ZNF10: variants seen among roughly 807,000 people sequenced by gnomAD.
ZNF10 encodes zinc finger protein 10 (KOX 1).
A neutral mutation model predicts 12.2 loss-of-function variants in ZNF10; 8 were observed. That is an observed-to-expected ratio of 0.66 (90% CI 0.39 to 1.18). ZNF10 has a LOEUF of 1.18. ZNF10 is among the 50% of genes most tolerant of loss of function. The probability of loss-of-function intolerance (pLI) is 0.01; values close to 1 mark genes in which losing one functional copy is unlikely to be tolerated. For missense variants in ZNF10, 603 were observed against 678.9 expected, an observed-to-expected ratio of 0.89 and a Z score of 1.24; for synonymous variants, 229 against 228.2, an observed-to-expected ratio of 1.00 and a Z score of -0.03.
chr12:133,149,464 C>T (rs147703131), intron 2 of ZNF10, among the ~76,000 whole-genome samples: 7,907 of 144,170 alleles, frequency 0.055, 696 homozygotes, highest in African/African-American at 0.19. Context: ...TTCAAGTGAT[C>T]CTCTCACCTT....
chr12:133,135,668 C>T (rs979404277), intron 1 of ZNF10, among the ~76,000 whole-genome samples: 1 of 152,200 alleles, frequency 6.6e-6, no homozygotes, highest in African/African-American at 2.4e-5. Flanking sequence ...TCTCACGACT[C>T]TTCTTGGAGG....
In ZNF10 at chr12:133,151,672, T is replaced by A. The variant is rs1052153100; in HGVS notation, c.161-137T>A. The A allele has an allele frequency of 2.0e-5, 10 of 511,688 alleles. No individual in the cohort carries two copies. The East Asian group carries it at 3.3e-4, about 17-fold the overall frequency. The allele number at this position is 511,688 out of a possible 1,614,324, so 31.7% of individuals were successfully genotyped here. A position where few individuals can be genotyped will look rare whatever the true frequency, so the allele number is the denominator to read the frequency against. On this transcript the variant is annotated intron_variant, in intron 3 of 4. Transcript: ENST00000248211. ...TAAATAAATAAAATAAAATAAGTTT[T>A]CCTGCCTCTGTCAACTTTAGAGTCC...
intron 1 of ZNF10, among the ~76,000 whole-genome samples, chr12:133,141,715 C>T (rs1955945180): frequency 1.3e-5 from 2 of 151,960 alleles, no homozygotes; most frequent in Non-Finnish European, 1.5e-5. Flanking sequence ...ATCAGGTAGC[C>T]TACCGTATGA....
intron 2 of ZNF10, among the ~76,000 whole-genome samples, chr12:133,146,910 C>G (rs773200760): frequency 5.3e-4 from 80 of 152,050 alleles, no homozygotes; most frequent in Non-Finnish European, 8.8e-4. Flanking sequence ...TGTGTGCTGC[C>G]CCTGTGTATA....
At chr12:133,147,556 G>GA (rs1955983082) in intron 2 of ZNF10, among the ~76,000 whole-genome samples, 1 of 149,580 alleles carries the variant, frequency 6.7e-6, no homozygotes, top group Admixed American at 6.7e-5. Flanking sequence ...CTTCTTTGGT[G>GA]AAATGTTTAT....
At chr12:133,154,056 T>G (rs1022066810) in intron 4 of ZNF10, among the ~76,000 whole-genome samples, 2 of 151,904 alleles carry the variant, frequency 1.3e-5, no homozygotes, top group Non-Finnish European at 2.9e-5. Flanking sequence ...AAAGACTGTA[T>G]TTCCAAATAT....
chr12:133,155,313 G>T, intron 4 of ZNF10, among the ~76,000 whole-genome samples, 190 bp from the exon 5 acceptor site: 1 of 152,046 alleles, frequency 6.6e-6, no homozygotes, highest in African/African-American at 2.4e-5. Context: ...TTTGCCCTTT[G>T]TGAGTACTGT....
chr12:133,143,461 A>G (rs1176455158), intron 1 of ZNF10: 1 of 152,200 alleles, frequency 6.6e-6, no homozygotes, highest in Admixed American at 6.5e-5. Flanking sequence ...GGCACAAAAA[A>G]GACATTGTTA....
At chr12:133,153,859 A>C (rs559286407) in intron 4 of ZNF10, among the ~76,000 whole-genome samples, 2 of 152,112 alleles carry the variant, frequency 1.3e-5, no homozygotes, top group African/African-American at 2.4e-5. Flanking sequence ...GTCTTTCCTT[A>C]TCTCTTCCAG....
chr12:133,156,249 C>T lies in ZNF10; in HGVS notation c.1003C>T (p.His335Tyr). The change falls in exon 5 of 5, where the codon CAC becomes TAC. Residue 335 changes from histidine (H) to tyrosine (Y), a missense_variant. His to Tyr is a moderately conservative substitution (Grantham distance 83, BLOSUM62 2). This residue lies in a region of ZNF10 where 393 missense variants were observed against 399.7 expected (regional missense o/e 0.98). Transcript: ENST00000248211. ...ECGKSFSWFSHLVTHQRTHTG... is the reference protein window; with the variant it reads ...ECGKSFSWFSYLVTHQRTHTG... ...TGGAAAATCCTTCAGCTGGTTCTCT[C>T]ACCTTGTTACTCATCAGAGAACTCA... is the stretch of plus-strand genomic sequence containing the variant. 1.9e-6 allele frequency: 3 copies of T among 1,614,128 alleles called. No individual in the cohort carries two copies. The highest frequency in any genetic ancestry group is 2.5e-6 in the Non-Finnish European group (3 of 1,180,012).
rs999539190 is a variant in ZNF10, at chr12:133,159,053, C to T, written c.*2085C>T. ...CTAATAACCTGTGGCTCAATTTCCTCAACTGTATAATGAGGTTACTACTAG... is the reference window on the plus strand; with the variant it reads ...CTAATAACCTGTGGCTCAATTTCCTTAACTGTATAATGAGGTTACTACTAG... On this transcript the variant is annotated 3_prime_UTR_variant, in exon 5 of 5. Coordinates refer to ENST00000248211, the MANE Select transcript of ZNF10 (RefSeq NM_015394.5). 7.9e-5 allele frequency: 12 copies of T among 152,232 alleles called. No homozygotes were observed. Among genetic ancestry groups the T allele is most frequent in the Non-Finnish European group, 5.9e-5 (4 of 68,034 alleles). The allele number at this position is 152,232 out of a possible 1,614,324, so 9.4% of individuals were successfully genotyped here. A position where few individuals can be genotyped will look rare whatever the true frequency, so the allele number is the denominator to read the frequency against.
rs1388231661 is a variant in ZNF10, at chr12:133,158,522, G to GGA, written c.*1558_*1559dup. Reference sequence around the variant, plus strand: ...TTTGTACAAAGGTTTTCCATTCTATGGAGAGGATCCCAGTCTTCAGATTCT... The same window carrying GGA: ...TTTGTACAAAGGTTTTCCATTCTATGGAGAGAGGATCCCAGTCTTCAGATTCT... On this transcript the variant is annotated 3_prime_UTR_variant, in exon 5 of 5. Coordinates refer to ENST00000248211, the MANE Select transcript of ZNF10 (RefSeq NM_015394.5). The GGA allele has an allele frequency of 6.6e-6, 1 of 152,178 alleles. No individual in the cohort carries two copies. Among genetic ancestry groups the GGA allele is most frequent in the Non-Finnish European group, 1.5e-5 (1 of 68,042 alleles). The allele number at this position is 152,178 out of a possible 1,614,324, so 9.4% of individuals were successfully genotyped here. A position where few individuals can be genotyped will look rare whatever the true frequency, so the allele number is the denominator to read the frequency against.
intron 1 of ZNF10, chr12:133,139,381 A>C (rs1408490273): frequency 6.6e-6 from 1 of 152,240 alleles, no homozygotes; most frequent in Non-Finnish European, 1.5e-5. Flanking sequence ...CAAGTGGTTC[A>C]CCATAGTTAT....
chr12:133,145,308 G>C lies in ZNF10; in HGVS notation c.33+783G>C, dbSNP rs139715433. ...CACACAAGATATTTCAAAAGTATTAGGAGGAATGAAAGCATACTTAGGCTA... is the reference window on the plus strand; with the variant it reads ...CACACAAGATATTTCAAAAGTATTACGAGGAATGAAAGCATACTTAGGCTA... On this transcript the variant is annotated intron_variant, in intron 2 of 4. Transcript: ENST00000248211. Among the ~76,000 whole-genome samples the C allele has an allele frequency of 4.5e-3, 692 of 152,310 alleles. 10 individuals are homozygous for C. The highest frequency in any genetic ancestry group is 7.9e-3 in the Non-Finnish European group (538 of 68,034).
chr12:133,149,352 C>CTTT lies in ZNF10; in HGVS notation c.34-1654_34-1652dup, dbSNP rs144304054. Reference sequence around the variant, plus strand: ...CAAGGGCTTGTGGTTTTTGCTATTGCTTTTTTTTTTTTTTTTTTTTTTTTA... The same window carrying CTTT: ...CAAGGGCTTGTGGTTTTTGCTATTGCTTTTTTTTTTTTTTTTTTTTTTTTTTTA... On this transcript the variant is annotated intron_variant, in intron 2 of 4. Coordinates refer to ENST00000248211, the MANE Select transcript of ZNF10 (RefSeq NM_015394.5). Among the ~76,000 whole-genome samples, 103 of 85,784 alleles carry CTTT rather than the reference C, an allele frequency of 1.2e-3. 1 individual carries two copies. Among genetic ancestry groups the CTTT allele is most frequent in the African/African-American group, 1.6e-3 (32 of 20,498 alleles). 56.3% of individuals were successfully genotyped at this position (85,784 alleles called of 152,430 possible). A position where few individuals can be genotyped will look rare whatever the true frequency, so the allele number is the denominator to read the frequency against.
chr12:133,155,387 TA>T, intron 4 of ZNF10, 115 bp from the exon 5 acceptor site: 2 of 1,112,034 alleles, frequency 1.8e-6, no homozygotes, highest in Non-Finnish European at 2.5e-6. Flanking sequence ...ATCAAAGTTA[TA>T]AAGCCATATT....
chr12:133,133,851 C>T (rs2137636989), intron 1 of ZNF10, among the ~76,000 whole-genome samples: 1 of 152,256 alleles, frequency 6.6e-6, no homozygotes, highest in South Asian at 2.1e-4. Context: ...AAAATAATGG[C>T]TCCCCAGAGA....
In ZNF10 at chr12:133,156,108, A is replaced by C; in HGVS notation, c.862A>C (p.Thr288Pro). 6.2e-7 allele frequency: 1 copy of C among 1,613,504 alleles called. No homozygotes were observed. Among genetic ancestry groups the C allele is most frequent in the Non-Finnish European group, 8.5e-7 (1 of 1,180,020 alleles). Reference protein sequence around the residue: ...SNLTRHQLIHTGEKPYECKEC... With the variant: ...SNLTRHQLIHPGEKPYECKEC... ...TCTTACTAGGCATCAGCTTATTCAT[A>C]CTGGAGAAAAACCCTATGAGTGTAA... The change falls in exon 5 of 5, where the codon ACT becomes CCT. Residue 288 changes from threonine to proline, a missense_variant. Around this residue, in one of 3 missense-constraint regions of ZNF10, gnomAD observed 393 missense variants for 399.7 expected, o/e 0.98. Coordinates refer to ENST00000248211, the MANE Select transcript of ZNF10 (RefSeq NM_015394.5).
At chr12:133,148,309 C>T (rs1035807076) in intron 2 of ZNF10, among the ~76,000 whole-genome samples, 3 of 151,984 alleles carry the variant, frequency 2.0e-5, no homozygotes, top group Non-Finnish European at 4.4e-5. Flanking sequence ...TTAGTAGAAA[C>T]GGCATTTCAC....
Sources: gnomAD v4.1 joint callset for allele counts (sites outside exome capture counted in the v4.1 genomes callset) on GRCh38, gnomAD v4.1.1 for gene constraint, gnomAD v4.1.1 regional missense constraint, MANE v1.5 for transcripts, NCBI Gene and HGNC (gene_info 2026-07-23, HGNC 2026-07-21) for gene names.